The following PCDHA5 variants were observed in gnomAD, a reference collection of about 807,000 sequenced individuals.
PCDHA5 encodes the protein protocadherin alpha 5, also known as protocadherin alpha-5.
PCDHA5 carries 43 observed loss-of-function variants against 61.6 expected under a neutral mutation model. That is an observed-to-expected ratio of 0.70 (90% CI 0.55 to 0.90). The LOEUF is 0.90. PCDHA5 is among the 40% of genes least tolerant of loss of function. PCDHA5 has a pLI of 0.00. For missense variants in PCDHA5, 1,298 were observed against 1,222.7 expected (o/e 1.06, Z -0.92); for synonymous variants, 627 against 543.9 (o/e 1.15, Z -2.13).
chr5:140,902,953 C>G (rs549407032), intron 1 of PCDHA5, among the ~76,000 whole-genome samples: 1 of 152,162 alleles, frequency 6.6e-6, no homozygotes, highest in East Asian at 1.9e-4. Context: ...TCTTTATCCA[C>G]TTGTTGGCTG....
chr5:140,893,433 G>A (rs1441735373), intron 1 of PCDHA5, among the ~76,000 whole-genome samples: 3 of 152,006 alleles, frequency 2.0e-5, no homozygotes, highest in African/African-American at 4.8e-5. Context: ...CAGGAAGATC[G>A]CTTGAAGCCA....
intron 1 of PCDHA5, among the ~76,000 whole-genome samples, chr5:140,950,022 A>T (rs1355491628): frequency 6.6e-6 from 1 of 151,918 alleles, no homozygotes; most frequent in Non-Finnish European, 1.5e-5. Context: ...CCTTCATAAA[A>T]TATAGAAAAG....
chr5:140,884,582 T>G, intron 1 of PCDHA5: 1 of 1,614,172 alleles, frequency 6.2e-7, no homozygotes, highest in South Asian at 1.1e-5. Flanking sequence ...CCTCATGGCC[T>G]TCAGTCCCAG....
intron 1 of PCDHA5, among the ~76,000 whole-genome samples, chr5:140,954,291 T>C (rs1309677058): frequency 6.6e-6 from 1 of 152,230 alleles, no homozygotes; most frequent in African/African-American, 2.4e-5. Context: ...TTCCTTTGGG[T>C]ACATACCCAG....
At chr5:141,005,861 C>T (rs921854027) in intron 3 of PCDHA5, among the ~76,000 whole-genome samples, 2 of 151,860 alleles carry the variant, frequency 1.3e-5, no homozygotes, top group Admixed American at 6.6e-5. Flanking sequence ...ACAGGAGGGT[C>T]GATTGAGTCC....
At chr5:140,843,896 T>C in intron 1 of PCDHA5, 2 of 663,756 alleles carry the variant, frequency 3.0e-6, no homozygotes, top group East Asian at 5.6e-5. Context: ...TATTAATCAT[T>C]CTCCACAAGT....
intron 1 of PCDHA5, chr5:140,856,567 A>C: frequency 6.3e-7 from 1 of 1,597,710 alleles, no homozygotes; most frequent in Non-Finnish European, 8.6e-7. Flanking sequence ...AACTCAGTCC[A>C]AATGAGTATT....
At chr5:140,891,136 G>A (rs541876133) in intron 1 of PCDHA5, among the ~76,000 whole-genome samples, 1 of 152,068 alleles carries the variant, frequency 6.6e-6, no homozygotes, top group Non-Finnish European at 1.5e-5. Context: ...TTCCTTTAAA[G>A]GTATTCTGTT....
intron 1 of PCDHA5, among the ~76,000 whole-genome samples, chr5:140,874,557 G>A (rs782715249): frequency 9.9e-5 from 15 of 152,144 alleles, no homozygotes; most frequent in Non-Finnish European, 1.6e-4. Flanking sequence ...GAGATCTTTC[G>A]CATTTTAGTG....
intron 1 of PCDHA5, chr5:140,876,827 C>T (rs1554168978): frequency 6.2e-7 from 1 of 1,614,182 alleles, no homozygotes; most frequent in Admixed American, 1.7e-5. Context: ...AACGACAATG[C>T]GCCTGCGTTC....
intron 1 of PCDHA5, chr5:140,837,006 G>A (rs1774868844): frequency 3.1e-6 from 1 of 317,894 alleles, no homozygotes; most frequent in African/African-American, 2.2e-5. Context: ...TGGAGCAATG[G>A]ATTCACCTTT....
chr5:140,870,084 C>T (rs782413178), intron 1 of PCDHA5: 1 of 1,613,864 alleles, frequency 6.2e-7, no homozygotes, highest in Non-Finnish European at 8.5e-7. Context: ...AGGGGACTCC[C>T]CCAATGGCAG....
intron 1 of PCDHA5, chr5:140,866,875 A>C (rs2049624381): frequency 6.6e-6 from 1 of 152,142 alleles, no homozygotes; most frequent in Admixed American, 6.5e-5. Flanking sequence ...ACTTCTTGGT[A>C]TTAGCCTATA....
intron 3 of PCDHA5, among the ~76,000 whole-genome samples, chr5:140,993,102 C>T (rs979360910): frequency 2.6e-5 from 4 of 152,272 alleles, no homozygotes; most frequent in South Asian, 4.1e-4. Flanking sequence ...GTTTATTCAG[C>T]GGTCAGTGTC....
At chr5:140,825,237 C>T (rs1262256044) in intron 1 of PCDHA5, 3 of 151,300 alleles carry the variant, frequency 2.0e-5, no homozygotes, top group Admixed American at 6.6e-5. Context: ...TTATCTGGAT[C>T]TATGGTGTTC....
At chr5:140,994,226 G>A (rs2097606248) in intron 3 of PCDHA5, among the ~76,000 whole-genome samples, 1 of 152,162 alleles carries the variant, frequency 6.6e-6, no homozygotes. Flanking sequence ...GTCTGTCTAT[G>A]TTATAATCAA....
intron 1 of PCDHA5, chr5:140,870,474 C>G: frequency 6.2e-7 from 1 of 1,614,218 alleles, no homozygotes; most frequent in South Asian, 1.1e-5. Context: ...TCGCACAGCC[C>G]GAGTACACCG....
chr5:140,895,968 G>T lies in PCDHA5; in HGVS notation c.2352+71841G>T, dbSNP rs190056652. 4.1e-3 allele frequency among the ~76,000 whole-genome samples: 628 copies of T among 152,052 alleles called. 2 individuals are homozygous for T. Among genetic ancestry groups the T allele is most frequent in the Middle Eastern group, 6.8e-3 (2 of 294 alleles). On this transcript the variant is annotated intron_variant, in intron 1 of 3. Coordinates refer to ENST00000529859, the MANE Select transcript of PCDHA5 (RefSeq NM_018908.3). ...TGGGATTACAGGTGCCTGTCACCAG[G>T]CCTAGCTAATTTTTGTATTTTAAGT... is the stretch of plus-strand genomic sequence containing the variant.
At chr5:140,857,595 T>C in intron 1 of PCDHA5, 2 of 1,595,942 alleles carry the variant, frequency 1.3e-6, no homozygotes, top group Non-Finnish European at 1.7e-6. Context: ...AGCGGCAAGG[T>C]GTACGCGCTG....
Sources: allele counts gnomAD v4.1 joint callset (sites outside exome capture counted in the v4.1 genomes callset), GRCh38; gene constraint gnomAD v4.1.1; transcripts MANE v1.5; gene names NCBI Gene and HGNC (gene_info 2026-07-23, HGNC 2026-07-21).